MYO1D: variants seen among roughly 807,000 people sequenced by gnomAD.
The protein encoded by MYO1D is myosin ID.
Under a neutral mutation model 122.0 loss-of-function variants are expected in MYO1D, and 83 were observed. The ratio of observed to expected loss-of-function variants is 0.68; its 90% CI spans 0.57 to 0.82. The LOEUF is 0.82. MYO1D is among the 40% of genes least tolerant of loss of function. The probability of loss-of-function intolerance (pLI) is 0.00; values close to 1 mark genes in which losing one functional copy is unlikely to be tolerated. For synonymous variants in MYO1D, 464 were observed against 446.9 expected (o/e 1.04, Z -0.48); for missense variants, 1,157 against 1,269.5 (o/e 0.91, Z 1.35).
chr17:32,573,216 G>A (rs557625066), intron 21 of MYO1D, among the ~76,000 whole-genome samples: 90 of 152,220 alleles, frequency 5.9e-4, no homozygotes, highest in African/African-American at 2.1e-3. Context: ...TTTAAATAAT[G>A]TCCCCAAATA....
chr17:32,552,961 GCA>G (rs1029216420), intron 21 of MYO1D, among the ~76,000 whole-genome samples: 5 of 151,976 alleles, frequency 3.3e-5, no homozygotes, highest in African/African-American at 1.2e-4. Flanking sequence ...GCCAGGCTGG[GCA>G]CAGTGACTCA....
chr17:32,686,943 AAG>A (rs2089018242), intron 16 of MYO1D, among the ~76,000 whole-genome samples: 2 of 149,412 alleles, frequency 1.3e-5, no homozygotes, highest in Non-Finnish European at 3.0e-5. Context: ...CCAGGGTGAT[AAG>A]AGTGAGATCC....
At chr17:32,758,236 T>C (rs1342761817) in intron 10 of MYO1D, among the ~76,000 whole-genome samples, 1 of 152,044 alleles carries the variant, frequency 6.6e-6, no homozygotes, top group East Asian at 1.9e-4. Context: ...CAACACAAGA[T>C]TGCAAAGAGA....
At chr17:32,694,442 C>T (rs150330638) in intron 16 of MYO1D, among the ~76,000 whole-genome samples, 223 of 152,268 alleles carry the variant, frequency 1.5e-3, no homozygotes, top group African/African-American at 5.1e-3. Context: ...TTGCTCACGC[C>T]TGTAATCCCA....
intron 1 of MYO1D, among the ~76,000 whole-genome samples, chr17:32,797,215 C>T (rs1281653917): frequency 6.6e-6 from 1 of 152,166 alleles, no homozygotes; most frequent in African/African-American, 2.4e-5. Context: ...GTGATCCACC[C>T]GCCTCGGCCT....
At chr17:32,690,266 C>T (rs2089078361) in intron 16 of MYO1D, among the ~76,000 whole-genome samples, 1 of 151,064 alleles carries the variant, frequency 6.6e-6, no homozygotes, top group African/African-American at 2.4e-5. Context: ...CACTGCACCT[C>T]CCGGGCTCAA....
chr17:32,520,128 CA>C (rs758868447), intron 21 of MYO1D, among the ~76,000 whole-genome samples: 1 of 152,078 alleles, frequency 6.6e-6, no homozygotes, highest in Admixed American at 6.6e-5. Flanking sequence ...ATTCAAAGCC[CA>C]AACTCATGGT....
At chr17:32,666,326 T>C (rs2088635106) in intron 16 of MYO1D, among the ~76,000 whole-genome samples, 1 of 152,206 alleles carries the variant, frequency 6.6e-6, no homozygotes, top group South Asian at 2.1e-4. Context: ...TAACGACTCA[T>C]TTACTTACTT....
At chr17:32,681,637 C>G (rs1405438043) in intron 16 of MYO1D, among the ~76,000 whole-genome samples, 2 of 152,036 alleles carry the variant, frequency 1.3e-5, no homozygotes, top group South Asian at 2.1e-4. Context: ...AATTCCTGTT[C>G]TTTTACATTT....
chr17:32,730,519 C>T (rs947757148), intron 14 of MYO1D, among the ~76,000 whole-genome samples: 1 of 150,808 alleles, frequency 6.6e-6, no homozygotes, highest in African/African-American at 2.5e-5. Flanking sequence ...GGTTGATAAA[C>T]TCTCTGTTTT....
intron 1 of MYO1D, among the ~76,000 whole-genome samples, chr17:32,858,129 T>C (rs1163792329): frequency 6.6e-6 from 1 of 152,194 alleles, no homozygotes; most frequent in Non-Finnish European, 1.5e-5. Context: ...TAGACCAATA[T>C]TCCAGATGCA....
At chr17:32,595,893 A>G (rs980651380) in intron 21 of MYO1D, among the ~76,000 whole-genome samples, 7 of 152,136 alleles carry the variant, frequency 4.6e-5, no homozygotes, top group African/African-American at 7.2e-5. Flanking sequence ...GTGAATTGCT[A>G]TTCTCCAGAG....
At chr17:32,836,386 G>T (rs2090823842) in intron 1 of MYO1D, among the ~76,000 whole-genome samples, 1 of 152,156 alleles carries the variant, frequency 6.6e-6, no homozygotes, top group Admixed American at 6.5e-5. Flanking sequence ...GCTGAATTTG[G>T]ACACATGGAT....
At chr17:32,862,164 T>G (rs1319073154) in intron 1 of MYO1D, among the ~76,000 whole-genome samples, 1 of 152,236 alleles carries the variant, frequency 6.6e-6, no homozygotes, top group African/African-American at 2.4e-5. Flanking sequence ...ATAAAGTGCC[T>G]TCCCTGTGAC....
At chr17:32,572,802 T>C (rs2087243808) in intron 21 of MYO1D, among the ~76,000 whole-genome samples, 1 of 151,944 alleles carries the variant, frequency 6.6e-6, no homozygotes, top group Admixed American at 6.6e-5. Context: ...CTTGGTGACA[T>C]CTCAGATCTT....
At chr17:32,552,849 C>T (rs563603330) in intron 21 of MYO1D, among the ~76,000 whole-genome samples, 1 of 152,262 alleles carries the variant, frequency 6.6e-6, no homozygotes, top group South Asian at 2.1e-4. Flanking sequence ...ATGTAAGTAA[C>T]TGGAAACACC....
chr17:32,760,681 T>C, intron 8 of MYO1D, 54 bp from the exon 9 acceptor site: 1 of 1,546,196 alleles, frequency 6.5e-7, no homozygotes. Flanking sequence ...GAGTCCTCTG[T>C]TTGGATTTGT....
intron 21 of MYO1D, among the ~76,000 whole-genome samples, chr17:32,583,742 C>G (rs1195394209): frequency 1.3e-5 from 2 of 150,038 alleles, no homozygotes; most frequent in African/African-American, 4.9e-5. Context: ...TTTGTTTGTT[C>G]TTTGTTTTTT....
At chr17:32,576,887 C>G (rs2150898616) in intron 21 of MYO1D, among the ~76,000 whole-genome samples, 1 of 151,878 alleles carries the variant, frequency 6.6e-6, no homozygotes, top group South Asian at 2.1e-4. Context: ...GCTTTGTTGC[C>G]CAGGCTGCTC....
Sources: gnomAD v4.1 joint callset for allele counts (sites outside exome capture counted in the v4.1 genomes callset) on GRCh38, gnomAD v4.1.1 for gene constraint, MANE v1.5 for transcripts, NCBI Gene and HGNC (gene_info 2026-07-23, HGNC 2026-07-21) for gene names.